The following SYN3 variants were observed in gnomAD, a reference collection of about 807,000 sequenced individuals.
SYN3 encodes the protein synapsin III.
SYN3 carries 35 observed loss-of-function variants against 65.8 expected under a neutral mutation model. The observed-to-expected ratio is 0.53, with a 90% CI of 0.41 to 0.70. The LOEUF (loss-of-function observed/expected upper bound fraction) is 0.70. Ranked by LOEUF, SYN3 falls within the 30% of genes least tolerant of loss-of-function variation. The pLI is 0.00. For synonymous variants in SYN3, 270 were observed against 292.9 expected (o/e 0.92, Z 0.80); for missense variants, 680 against 749.0 (o/e 0.91, Z 1.08).
At chr22:32,779,779 T>G (rs754579508) in intron 6 of SYN3, among the ~76,000 whole-genome samples, 22 of 152,118 alleles carry the variant, frequency 1.4e-4, no homozygotes, top group Non-Finnish European at 2.6e-4. Context: ...TGCAGGTTAC[T>G]ACCGTGATGT....
chr22:32,879,045 G>C (rs756407882), intron 4 of SYN3, among the ~76,000 whole-genome samples: 3 of 151,888 alleles, frequency 2.0e-5, no homozygotes, highest in Non-Finnish European at 4.4e-5. Context: ...AAAAAATAAA[G>C]GTAACCAACA....
At chr22:33,018,076 T>C in intron 1 of SYN3, among the ~76,000 whole-genome samples, 1 of 152,080 alleles carries the variant, frequency 6.6e-6, no homozygotes, top group Non-Finnish European at 1.5e-5. Context: ...AAGTAAGCCA[T>C]TGGAGGGTTA....
chr22:32,583,261 G>C (rs2058975478), intron 7 of SYN3: 2 of 152,274 alleles, frequency 1.3e-5, no homozygotes, highest in Admixed American at 1.3e-4. Context: ...ATGGCCACCT[G>C]TCGGCAGTGA....
intron 6 of SYN3, among the ~76,000 whole-genome samples, chr22:32,671,127 G>T (rs1347749236): frequency 6.6e-6 from 1 of 152,308 alleles, no homozygotes; most frequent in East Asian, 1.9e-4. Context: ...TAGCTCAGTT[G>T]TTTTCAAAGC....
At chr22:33,047,329 T>G (rs2054085082) in intron 1 of SYN3, among the ~76,000 whole-genome samples, 1 of 152,198 alleles carries the variant, frequency 6.6e-6, no homozygotes, top group Non-Finnish European at 1.5e-5. Context: ...GTTGAATGAA[T>G]GAATGAGCAC....
intron 7 of SYN3, among the ~76,000 whole-genome samples, chr22:32,550,493 T>C (rs2058397405): frequency 6.6e-6 from 1 of 152,080 alleles, no homozygotes; most frequent in Admixed American, 6.5e-5. Context: ...ATGGTATTGC[T>C]ATTTTAAACC....
At chr22:32,662,204 C>A (rs1395645416) in intron 6 of SYN3, among the ~76,000 whole-genome samples, 3 of 152,138 alleles carry the variant, frequency 2.0e-5, no homozygotes, top group Non-Finnish European at 4.4e-5. Flanking sequence ...GCAACGTCTC[C>A]TTTTCGGCAT....
At chr22:32,657,418 C>T (rs923583108) in intron 6 of SYN3, among the ~76,000 whole-genome samples, 3 of 152,196 alleles carry the variant, frequency 2.0e-5, no homozygotes, top group South Asian at 2.1e-4. Context: ...CCACCGCGCC[C>T]GGCCCGAGCC....
intron 6 of SYN3, among the ~76,000 whole-genome samples, chr22:32,656,441 T>C (rs1245091647): frequency 6.6e-6 from 1 of 152,214 alleles, no homozygotes; most frequent in East Asian, 1.9e-4. Context: ...TGTATCAGGA[T>C]AGTGCTTTTG....
At chr22:32,839,683 C>T (rs1467736266) in intron 6 of SYN3, among the ~76,000 whole-genome samples, 2 of 152,226 alleles carry the variant, frequency 1.3e-5, no homozygotes, top group African/African-American at 4.8e-5. Flanking sequence ...TGCATTCATC[C>T]CAAGTCCAGG....
chr22:32,556,504 G>C (rs1414190654), intron 7 of SYN3, among the ~76,000 whole-genome samples: 1 of 151,188 alleles, frequency 6.6e-6, no homozygotes, highest in Non-Finnish European at 1.5e-5. Context: ...GACAGACGCT[G>C]AGAATTGCTA....
chr22:32,766,036 C>CGTTT (rs1461071925), intron 6 of SYN3, among the ~76,000 whole-genome samples: 1 of 151,966 alleles, frequency 6.6e-6, no homozygotes, highest in Non-Finnish European at 1.5e-5. Flanking sequence ...TGTTGTTGTT[C>CGTTT]ATTTGTTTGG....
At chr22:32,586,174 A>G (rs532826576) in intron 7 of SYN3, among the ~76,000 whole-genome samples, 4 of 151,718 alleles carry the variant, frequency 2.6e-5, no homozygotes, top group Admixed American at 2.0e-4. Flanking sequence ...ATGCACACAC[A>G]TGCAAATATA....
intron 6 of SYN3, among the ~76,000 whole-genome samples, chr22:32,782,229 C>T (rs111868620): frequency 2.6e-5 from 4 of 151,928 alleles, no homozygotes; most frequent in Non-Finnish European, 4.4e-5. Flanking sequence ...CCACCACGCT[C>T]GGCTAATTTT....
At chr22:32,831,808 T>C (rs112826251) in intron 6 of SYN3, among the ~76,000 whole-genome samples, 38 of 152,256 alleles carry the variant, frequency 2.5e-4, no homozygotes, top group Non-Finnish European at 4.6e-4. Context: ...TAATTTACTC[T>C]TGGCTGGACT....
chr22:33,009,474 T>G lies in SYN3; in HGVS notation c.-162-2650A>C, dbSNP rs189486649. On this transcript the variant is annotated intron_variant, in intron 1 of 13. Transcript: ENST00000358763. The stretch of plus-strand genomic sequence containing the variant: ...TCTAAAAGGTGGGTTGTTTATCTTT[T>G]TATTTTTGATTTGTAGGAGTTCTTT... 8.5e-5 allele frequency among the ~76,000 whole-genome samples: 13 copies of G among 152,336 alleles called. No homozygotes were observed. The East Asian group carries it at 2.5e-3, about 29-fold the overall frequency.
chr22:32,718,712 C>T (rs1273429071), intron 6 of SYN3, among the ~76,000 whole-genome samples: 1 of 150,678 alleles, frequency 6.6e-6, no homozygotes, highest in East Asian at 1.9e-4. Context: ...TTTTAAGTGT[C>T]CAAGAGATAG....
Position 32,692,592 on chromosome 22 carries a change from T to G in SYN3, c.712-95856A>C, listed in dbSNP as rs1164608165. ...TTTGTGAAAGACCCATGTGCTTTTC[T>G]GTCTCCGCTGCTTCTGCTTTGTCTG... On this transcript the variant is annotated intron_variant, in intron 6 of 13. Transcript: ENST00000358763. Among the ~76,000 whole-genome samples the G allele has an allele frequency of 1.1e-4, 17 of 152,322 alleles. No individual in the cohort carries two copies. The East Asian group carries it at 3.3e-3, about 29-fold the overall frequency.
At chr22:32,800,462 A>G (rs1003670340) in intron 6 of SYN3, among the ~76,000 whole-genome samples, 1 of 152,134 alleles carries the variant, frequency 6.6e-6, no homozygotes, top group African/African-American at 2.4e-5. Context: ...GGAAAGTGGG[A>G]GTGATACTTG....
Sources: gnomAD v4.1 joint callset for allele counts (sites outside exome capture counted in the v4.1 genomes callset) on GRCh38, gnomAD v4.1.1 for gene constraint, MANE v1.5 for transcripts, NCBI Gene and HGNC (gene_info 2026-07-23, HGNC 2026-07-21) for gene names.